The following SLC2A13 variants were observed in gnomAD, a reference collection of about 807,000 sequenced individuals.
SLC2A13 encodes solute carrier family 2 member 13.
SLC2A13 carries 32 observed loss-of-function variants against 64.4 expected under a neutral mutation model. That is an observed-to-expected ratio of 0.50 (90% CI 0.37 to 0.67). The LOEUF is 0.67. SLC2A13 is among the 30% of genes least tolerant of loss of function. The probability of loss-of-function intolerance (pLI) is 0.00; values close to 1 mark genes in which losing one functional copy is unlikely to be tolerated. For missense variants in SLC2A13, 743 were observed against 829.2 expected (o/e 0.90, Z 1.28); for synonymous variants, 338 against 327.1 (o/e 1.03, Z -0.36).
intron 6 of SLC2A13, among the ~76,000 whole-genome samples, chr12:39,859,678 G>A (rs937594122): frequency 2.0e-5 from 3 of 151,778 alleles, no homozygotes; most frequent in Non-Finnish European, 2.9e-5. Context: ...ACCCACAACC[G>A]CACCTGGCTA....
At chr12:39,971,962 G>A (rs1591964357) in intron 3 of SLC2A13, among the ~76,000 whole-genome samples, 2 of 101,838 alleles carry the variant, frequency 2.0e-5, no homozygotes, top group South Asian at 3.3e-4. Context: ...GAGATAAGGG[G>A]ATGGAGCAAG....
intron 2 of SLC2A13, among the ~76,000 whole-genome samples, chr12:40,033,494 TG>T (rs1947934689): frequency 6.6e-6 from 1 of 152,210 alleles, no homozygotes; most frequent in South Asian, 2.1e-4. Context: ...GCTGGGTAAC[TG>T]CAAGCTGGAT....
At chr12:39,863,590 A>G (rs1943820590) in intron 6 of SLC2A13, among the ~76,000 whole-genome samples, 1 of 152,208 alleles carries the variant, frequency 6.6e-6, no homozygotes, top group African/African-American at 2.4e-5. Flanking sequence ...AAAGTAGAAT[A>G]TGCATTTCTA....
At chr12:40,012,339 A>G (rs1947545190) in intron 3 of SLC2A13, among the ~76,000 whole-genome samples, 1 of 152,152 alleles carries the variant, frequency 6.6e-6, no homozygotes, top group African/African-American at 2.4e-5. Flanking sequence ...GATATTAATG[A>G]TGTTCTTTTG....
chr12:39,902,472 T>C (rs985755833), intron 4 of SLC2A13, among the ~76,000 whole-genome samples: 2 of 152,120 alleles, frequency 1.3e-5, no homozygotes, highest in Non-Finnish European at 2.9e-5. Context: ...ACTCAGTTCA[T>C]ACTTCTTGTA....
At chr12:39,794,135 A>C (rs1941496711) in intron 7 of SLC2A13, among the ~76,000 whole-genome samples, 2 of 151,146 alleles carry the variant, frequency 1.3e-5, no homozygotes, top group Admixed American at 6.6e-5. Flanking sequence ...AAAAAAAAAA[A>C]AAAAAAAAAA....
At chr12:40,026,766 T>C (rs1947815933) in intron 3 of SLC2A13, among the ~76,000 whole-genome samples, 1 of 152,202 alleles carries the variant, frequency 6.6e-6, no homozygotes, top group South Asian at 2.1e-4. Flanking sequence ...AACTTTCAAA[T>C]GTATGAATTA....
Position 39,914,169 on chromosome 12 carries a change from C to T in SLC2A13, c.1034+37088G>A, listed in dbSNP as rs534398695. On this transcript the variant is annotated intron_variant, in intron 4 of 9. Coordinates refer to ENST00000280871, the MANE Select transcript of SLC2A13 (RefSeq NM_052885.4). ...GAATGACAGTGAGAGTTCTGCATGT[C>T]CGAGGCTGTGTGAGCTGCATCTAAA... Among the ~76,000 whole-genome samples, 3 of 152,086 alleles carry T rather than the reference C, an allele frequency of 2.0e-5. No individual in the cohort carries two copies. In the South Asian group the frequency reaches 6.2e-4, roughly 32 times the overall value.
At chr12:39,802,491 G>A (rs1941828859) in intron 7 of SLC2A13, 1 of 152,246 alleles carries the variant, frequency 6.6e-6, no homozygotes, top group Non-Finnish European at 1.5e-5. Flanking sequence ...CTTCATACAA[G>A]GTCTTGTAGG....
chr12:39,980,176 C>A (rs1338531599), intron 3 of SLC2A13, among the ~76,000 whole-genome samples: 3 of 151,452 alleles, frequency 2.0e-5, no homozygotes, highest in African/African-American at 7.3e-5. Flanking sequence ...GAAGGAAGCG[C>A]TAAACATGGA....
intron 3 of SLC2A13, among the ~76,000 whole-genome samples, chr12:40,003,359 T>C (rs1947350541): frequency 6.6e-6 from 1 of 152,202 alleles, no homozygotes; most frequent in South Asian, 2.1e-4. Context: ...ATTAAAATTA[T>C]AACGATTATC....
intron 3 of SLC2A13, among the ~76,000 whole-genome samples, chr12:39,955,918 C>T (rs1024635524): frequency 1.3e-5 from 2 of 152,108 alleles, no homozygotes; most frequent in Non-Finnish European, 2.9e-5. Flanking sequence ...GCCACCACAA[C>T]TGTGAGAAAA....
chr12:39,971,163 G>C (rs1946640143), intron 3 of SLC2A13, among the ~76,000 whole-genome samples: 1 of 151,314 alleles, frequency 6.6e-6, no homozygotes, highest in African/African-American at 2.4e-5. Context: ...TCTTCCATAA[G>C]TTTCCTAAAA....
intron 3 of SLC2A13, among the ~76,000 whole-genome samples, chr12:39,979,968 G>T (rs1313861422): frequency 6.7e-6 from 1 of 148,938 alleles, no homozygotes; most frequent in Admixed American, 6.7e-5. Flanking sequence ...GACTAACAGC[G>T]GATCTCTCGG....
At chr12:39,786,015 G>T (rs547675448) in intron 7 of SLC2A13, among the ~76,000 whole-genome samples, 67 of 152,270 alleles carry the variant, frequency 4.4e-4, no homozygotes, top group Non-Finnish European at 9.1e-4. Flanking sequence ...TGAGACTTTG[G>T]ACTGTGGACT....
chr12:39,876,810 T>C (rs1014290223), intron 4 of SLC2A13, among the ~76,000 whole-genome samples: 5 of 152,188 alleles, frequency 3.3e-5, no homozygotes, highest in Non-Finnish European at 7.4e-5. Flanking sequence ...GAACATACTC[T>C]TCCTGACAAG....
intron 3 of SLC2A13, among the ~76,000 whole-genome samples, chr12:39,994,066 T>G (rs1172415611): frequency 6.6e-6 from 1 of 152,130 alleles, no homozygotes; most frequent in African/African-American, 2.4e-5. Context: ...AGTCAGAAGT[T>G]GTACCCATCC....
In SLC2A13 at chr12:39,871,891, C is replaced by G. The variant is rs770794073; in HGVS notation, c.1105G>C (p.Val369Leu). The change falls in exon 5 of 10, where the codon GTT (valine) becomes CTT (leucine). Residue 369 changes from valine to leucine, a missense_variant. By Grantham distance (32) the Val-to-Leu change is conservative (BLOSUM62 1). This residue lies in a region of SLC2A13 where 295 missense variants were observed against 381.7 expected (regional missense o/e 0.77). Transcript: ENST00000280871. ...DDRLAIWLAS[V>L]TAFTNFIFTL... ...AAAATGAAATTTGTGAAGGCTGTAA[C>G]TGAAGCCAGCCATATTGCAAGTCTA... The G allele has an allele frequency of 1.2e-6, 2 of 1,612,016 alleles. No individual in the cohort carries two copies. The highest frequency in any genetic ancestry group is 1.7e-6 in the Non-Finnish European group (2 of 1,179,132).
intron 1 of SLC2A13, among the ~76,000 whole-genome samples, chr12:40,096,849 T>C (rs999292020): frequency 8.5e-5 from 13 of 152,164 alleles, no homozygotes; most frequent in Admixed American, 3.3e-4. Flanking sequence ...TTCTAGAAAG[T>C]ATCATCTTGG....
Sources: allele counts gnomAD v4.1 joint callset (sites outside exome capture counted in the v4.1 genomes callset), GRCh38; gene constraint gnomAD v4.1.1; regional missense constraint gnomAD v4.1.1; transcripts MANE v1.5; gene names NCBI Gene and HGNC (gene_info 2026-07-23, HGNC 2026-07-21).